CHST6: variants seen among roughly 807,000 people sequenced by gnomAD.
CHST6 encodes the protein N-acetylglucosamine 6-O-sulfotransferase 5.
For synonymous variants in CHST6, 309 were observed against 276.4 expected, an observed-to-expected ratio of 1.12 and a Z score of -1.17; for missense variants, 698 against 586.2, an observed-to-expected ratio of 1.19 and a Z score of -1.97.
chr16:75,482,439 G>A (rs1321918374), intron 1 of CHST6, among the ~76,000 whole-genome samples: 1 of 152,158 alleles, frequency 6.6e-6, no homozygotes, highest in Non-Finnish European at 1.5e-5. Context: ...TAGGGAGGCT[G>A]AGGCAGGAAA....
chr16:75,493,370 G>A (rs552143056), intron 1 of CHST6, among the ~76,000 whole-genome samples: 2 of 152,120 alleles, frequency 1.3e-5, no homozygotes, highest in South Asian at 2.1e-4. Flanking sequence ...TTAGCCGGGC[G>A]TGGTGGCGGG....
Position 75,478,286 on chromosome 16 carries a change from G to C in CHST6, c.*355C>G. On this transcript the variant is annotated 3_prime_UTR_variant, in exon 3 of 3. Coordinates refer to ENST00000332272, the MANE Select transcript of CHST6 (RefSeq NM_021615.5). ...CCTCTCCACTCCCAGCCAGTGCCAG[G>C]GCACCCCCTCAGCTGCTGCAGGATG... 1 of 377,622 alleles carries C rather than the reference G, an allele frequency of 2.6e-6. No individual in the cohort carries two copies. The highest frequency in any genetic ancestry group is 5.0e-6 in the Non-Finnish European group (1 of 199,202). 23.4% of individuals were successfully genotyped at this position (377,622 alleles called of 1,614,324 possible).
intron 1 of CHST6, among the ~76,000 whole-genome samples, chr16:75,490,105 A>G (rs1468688584): frequency 6.9e-6 from 1 of 145,678 alleles, no homozygotes; most frequent in African/African-American, 2.6e-5. Context: ...CCCGGGAGGC[A>G]GAGGTTGCAG....
Position 75,478,500 on chromosome 16 carries a change from C to T in CHST6, c.*141G>A. The T allele has an allele frequency of 1.2e-6, 1 of 810,728 alleles. No homozygotes were observed. Among genetic ancestry groups the T allele is most frequent in the South Asian group, 1.5e-5 (1 of 66,998 alleles). The allele number at this position is 810,728 out of a possible 1,614,324, so 50.2% of individuals were successfully genotyped here. A position where few individuals can be genotyped will look rare whatever the true frequency, so the allele number is the denominator to read the frequency against. On this transcript the variant is annotated 3_prime_UTR_variant, in exon 3 of 3. Coordinates refer to ENST00000332272, the MANE Select transcript of CHST6 (RefSeq NM_021615.5). ...ATCAAGAGAGAAAGAAACGTGCAGT[C>T]CTTGCCTACTTGGGGAGGGGGAGGG...
intron 1 of CHST6, among the ~76,000 whole-genome samples, chr16:75,484,229 C>A (rs1477482418): frequency 6.6e-6 from 1 of 151,780 alleles, no homozygotes. Context: ...CCCAGCTACT[C>A]GGGAGGCTGA....
At position 75,489,398 on chromosome 16, in the gene CHST6, C is replaced by CAAAAAAAAAAA. The variant is rs901241278; in HGVS notation, c.-92+5531_-92+5541dup. ...TGGGCAACAAAGCAAGACTCTGTCT[C>CAAAAAAAAAAA]AAAAAAAAAAAAAAAAAAAAAGAAA... On this transcript the variant is annotated intron_variant, in intron 1 of 2. Coordinates refer to ENST00000332272, the MANE Select transcript of CHST6 (RefSeq NM_021615.5). 8.6e-5 allele frequency among the ~76,000 whole-genome samples: 5 copies of CAAAAAAAAAAA among 58,136 alleles called. 1 individual carries two copies. The highest frequency in any genetic ancestry group is 1.5e-4 in the Non-Finnish European group (4 of 26,964). The allele number at this position is 58,136 out of a possible 152,430, so 38.1% of individuals were successfully genotyped here.
In CHST6 at chr16:75,473,554, C is replaced by G. The variant is rs576409030; in HGVS notation, c.*5087G>C. On this transcript the variant is annotated 3_prime_UTR_variant, in exon 3 of 3. Transcript: ENST00000332272. ...TTTTCAGCTGAAGGCAATTAAGAAG[C>G]AGAAAGTGCAGGAAAAGTTCAGGTT... The G allele has an allele frequency of 2.0e-5, 3 of 152,302 alleles. No homozygotes were observed. Among genetic ancestry groups the G allele is most frequent in the Admixed American group, 6.5e-5 (1 of 15,288 alleles). The allele number at this position is 152,302 out of a possible 1,614,324, so 9.4% of individuals were successfully genotyped here. A position where few individuals can be genotyped will look rare whatever the true frequency, so the allele number is the denominator to read the frequency against.
At chr16:75,487,211 TGA>T (rs900603755) in intron 1 of CHST6, among the ~76,000 whole-genome samples, 1 of 152,196 alleles carries the variant, frequency 6.6e-6, no homozygotes, top group African/African-American at 2.4e-5. Flanking sequence ...TGGCCTGGCC[TGA>T]GAGACCTAGG....
intron 1 of CHST6, among the ~76,000 whole-genome samples, chr16:75,485,909 A>G (rs2080191958): frequency 6.6e-6 from 1 of 152,152 alleles, no homozygotes; most frequent in African/African-American, 2.4e-5. Context: ...GATTCCAGCA[A>G]AGTCCCCACC....
Position 75,478,598 on chromosome 16 carries a change from A to T in CHST6, c.*43T>A, listed in dbSNP as rs1337007667. On this transcript the variant is annotated 3_prime_UTR_variant, in exon 3 of 3. Transcript: ENST00000332272. ...CGCCCCAGCCCCCTCTGCACCATGC[A>T]CTCTCCTCCCGGGCCTAGCGCCTGC... 3.8e-6 allele frequency: 6 copies of T among 1,599,322 alleles called. No individual in the cohort carries two copies. In the African/African-American group the frequency reaches 5.4e-5, roughly 14 times the overall value.
At chr16:75,486,436 A>G (rs2080199309) in intron 1 of CHST6, among the ~76,000 whole-genome samples, 2 of 152,300 alleles carry the variant, frequency 1.3e-5, no homozygotes, top group East Asian at 3.9e-4. Context: ...TGTGGCTCAG[A>G]TGGGGCTGAT....
rs1186542146 is a variant in CHST6 at position 75,488,507 on chromosome 16, G to T, written c.-92+6433C>A. 3.3e-5 allele frequency among the ~76,000 whole-genome samples: 5 copies of T among 151,548 alleles called. No homozygotes were observed. The East Asian group carries it at 9.7e-4, about 29-fold the overall frequency. ...AAAAAAAAAAGAATCCCAAAGGCTGGAAAAAACATACCCAATGAGGAGTCA... is the reference window on the plus strand; with the variant it reads ...AAAAAAAAAAGAATCCCAAAGGCTGTAAAAAACATACCCAATGAGGAGTCA... On this transcript the variant is annotated intron_variant, in intron 1 of 2. Coordinates refer to ENST00000332272, the MANE Select transcript of CHST6 (RefSeq NM_021615.5).
In CHST6 at chr16:75,473,121, A is replaced by G. The variant is rs576466664; in HGVS notation, c.*5520T>C. ...TACGTAACAAACCACCACAACACTCAAATGACTGAAACACAATAAGCACTT... is the reference window on the plus strand; with the variant it reads ...TACGTAACAAACCACCACAACACTCGAATGACTGAAACACAATAAGCACTT... On this transcript the variant is annotated 3_prime_UTR_variant, in exon 3 of 3. Transcript: ENST00000332272. 1 of 152,410 alleles carries G rather than the reference A, an allele frequency of 6.6e-6. No individual in the cohort carries two copies. The highest frequency in any genetic ancestry group is 1.9e-4 in the East Asian group (1 of 5,190). The allele number at this position is 152,410 out of a possible 1,614,324, so 9.4% of individuals were successfully genotyped here.
rs368343224 is a variant in CHST6, at chr16:75,478,894, G to C, written c.935C>G (p.Pro312Arg). 3 of 1,613,250 alleles carry C rather than the reference G, an allele frequency of 1.9e-6. No homozygotes were observed. Among genetic ancestry groups the C allele is most frequent in the Non-Finnish European group, 2.5e-6 (3 of 1,179,988 alleles). ...CTTGAAGGCTTCGCGGCGCGCACCAGGTCCAGATCCGTGGGTGATGTTATG... is the reference window on the plus strand; with the variant it reads ...CTTGAAGGCTTCGCGGCGCGCACCACGTCCAGATCCGTGGGTGATGTTATG... ...WIHNITHGSGPGARREAFKTS... is the reference protein window; with the variant it reads ...WIHNITHGSGRGARREAFKTS... Residue 312 changes from proline (P) to arginine (R), a missense_variant, in exon 3 of 3, where the codon CCT (proline) becomes CGT (arginine). Transcript: ENST00000332272.
chr16:75,485,828 G>A (rs539307265), intron 1 of CHST6, among the ~76,000 whole-genome samples: 2 of 151,378 alleles, frequency 1.3e-5, no homozygotes, highest in African/African-American at 4.9e-5. Context: ...ACCTGATGGT[G>A]TCCCAGTGGA....
At chr16:75,486,966 T>C (rs945736292) in intron 1 of CHST6, among the ~76,000 whole-genome samples, 1 of 152,206 alleles carries the variant, frequency 6.6e-6, no homozygotes, top group Non-Finnish European at 1.5e-5. Flanking sequence ...ATATGTACTC[T>C]GAAGAATGGC....
chr16:75,494,240 A>G (rs751035539), intron 1 of CHST6, among the ~76,000 whole-genome samples: 5 of 152,118 alleles, frequency 3.3e-5, no homozygotes, highest in African/African-American at 4.8e-5. Flanking sequence ...CTGGCTCTCT[A>G]TACTCCAGTT....
At chr16:75,487,204 C>T (rs1318602280) in intron 1 of CHST6, among the ~76,000 whole-genome samples, 1 of 152,190 alleles carries the variant, frequency 6.6e-6, no homozygotes. Context: ...CATTTCTTGG[C>T]CTGGCCTGAG....
At chr16:75,489,000 T>C (rs2080230391) in intron 1 of CHST6, among the ~76,000 whole-genome samples, 1 of 152,052 alleles carries the variant, frequency 6.6e-6, no homozygotes, top group Non-Finnish European at 1.5e-5. Context: ...GTTTCCTACA[T>C]GCCCAGTCTT....
Sources: gnomAD v4.1 joint callset for allele counts (sites outside exome capture counted in the v4.1 genomes callset) on GRCh38, gnomAD v4.1.1 for gene constraint, MANE v1.5 for transcripts, NCBI Gene and HGNC (gene_info 2026-07-23, HGNC 2026-07-21) for gene names.